Variants in THSD7B observed in about 807,000 individuals in gnomAD.
THSD7B encodes the protein thrombospondin type-1 domain-containing protein 7B.
In THSD7B, 138 loss-of-function variants were observed where a neutral mutation model predicts 213.6. The ratio of observed to expected loss-of-function variants is 0.65; its 90% CI spans 0.56 to 0.74. The LOEUF (loss-of-function observed/expected upper bound fraction) is 0.74, where lower values mean the gene tolerates loss of function less well. Among genes scored for constraint, THSD7B ranks in the 30% least tolerant of loss-of-function variants. THSD7B has a pLI of 0.00. For synonymous variants in THSD7B, 742 were observed against 687.0 expected (o/e 1.08, Z -1.25); for missense variants, 1,931 against 1,991.5 (o/e 0.97, Z 0.58).
At chr2:136,916,127 CTTG>C (rs1233896426) in intron 2 of THSD7B, among the ~76,000 whole-genome samples, 3 of 152,028 alleles carry the variant, frequency 2.0e-5, no homozygotes, top group Non-Finnish European at 4.4e-5. Flanking sequence ...GTTTTTGTTT[CTTG>C]TTTTTATTTT....
chr2:137,598,883 T>G (rs1408564674), intron 17 of THSD7B, among the ~76,000 whole-genome samples: 1 of 149,856 alleles, frequency 6.7e-6, no homozygotes, highest in African/African-American at 2.4e-5. Flanking sequence ...GGTTCTTTTT[T>G]TTTTTTATTA....
intron 17 of THSD7B, among the ~76,000 whole-genome samples, chr2:137,574,041 C>T (rs1392232443): frequency 1.3e-5 from 2 of 151,984 alleles, no homozygotes; most frequent in Admixed American, 1.3e-4. Context: ...TATTAATCAA[C>T]CTATAGAAGA....
intron 12 of THSD7B, among the ~76,000 whole-genome samples, chr2:137,339,125 A>C (rs1235899951): frequency 6.6e-6 from 1 of 151,140 alleles, no homozygotes; most frequent in African/African-American, 2.5e-5. Context: ...ATATCTTTTG[A>C]AGATAAATCA....
chr2:137,655,623 CA>C lies in THSD7B; in HGVS notation c.4069del (p.Ser1357AlafsTer3), dbSNP rs760430544. On this transcript the variant is annotated frameshift_variant, in exon 22 of 28. Coordinates refer to ENST00000409968, the MANE Select transcript of THSD7B (RefSeq NM_001316349.2). LOFTEE classifies it high-confidence loss of function. ...ALCGEMPFQD[S>X]ILKQLCSVPC... ...TGTGTGGAGAAATGCCCTTTCAGGA[CA>C]GCATCCTGAAGCAGCTGTGTTCTGT... 4 of 1,613,054 alleles carry C rather than the reference CA, an allele frequency of 2.5e-6. No homozygotes were observed. The highest frequency in any genetic ancestry group is 3.4e-6 in the Non-Finnish European group (4 of 1,179,604).
chr2:136,885,550 A>G (rs888195920), intron 2 of THSD7B, among the ~76,000 whole-genome samples: 3 of 152,186 alleles, frequency 2.0e-5, no homozygotes, highest in African/African-American at 7.2e-5. Context: ...AGTATCAGAT[A>G]AGGGACAATG....
intron 15 of THSD7B, among the ~76,000 whole-genome samples, chr2:137,489,502 C>T (rs566643149): frequency 4.7e-4 from 71 of 150,452 alleles, no homozygotes; most frequent in African/African-American, 1.7e-3. Flanking sequence ...AAGTTTTTTT[C>T]TTCGATGTTT....
At chr2:136,921,697 T>C (rs1356905958) in intron 2 of THSD7B, among the ~76,000 whole-genome samples, 1 of 152,234 alleles carries the variant, frequency 6.6e-6, no homozygotes, top group Non-Finnish European at 1.5e-5. Flanking sequence ...TCAATTAGCA[T>C]GTTAATGGAA....
At chr2:137,477,938 T>G (rs544012544) in intron 15 of THSD7B, among the ~76,000 whole-genome samples, 3 of 152,148 alleles carry the variant, frequency 2.0e-5, no homozygotes, top group Non-Finnish European at 4.4e-5. Context: ...AAGGTTTCTA[T>G]TGAGGAATAT....
In THSD7B at chr2:137,259,433, T is replaced by C. The variant is rs146591721; in HGVS notation, c.2267-13100T>C. ...GTTTTGATTTGCATTTCTCTAGTGA[T>C]CAGTGATGATGAGCTTTTTTATATA... On this transcript the variant is annotated intron_variant, in intron 10 of 27. Transcript: ENST00000409968. Among the ~76,000 whole-genome samples, 1,316 of 152,306 alleles carry C rather than the reference T, an allele frequency of 8.6e-3. 19 individuals are homozygous for C. Among genetic ancestry groups the C allele is most frequent in the African/African-American group, 0.03 (1,241 of 41,570 alleles).
intron 7 of THSD7B, among the ~76,000 whole-genome samples, chr2:137,196,207 G>A (rs937167583): frequency 2.0e-5 from 3 of 152,114 alleles, no homozygotes; most frequent in African/African-American, 7.2e-5. Flanking sequence ...GGCAGATGAC[G>A]CTGGAGAAAA....
In THSD7B at chr2:137,193,081, C is replaced by T. The variant is rs759930691; in HGVS notation, c.1723+22143C>T. On this transcript the variant is annotated intron_variant, in intron 7 of 27. Transcript: ENST00000409968. ...CATGTATTGAGAAATGTTCACTCAC[C>T]GCTCCACCCCTGCAGCCCTTCAGAG... 3.1e-4 allele frequency among the ~76,000 whole-genome samples: 47 copies of T among 152,038 alleles called. 1 individual carries two copies. The highest frequency in any genetic ancestry group is 3.4e-3 in the Middle Eastern group (1 of 292).
At chr2:137,113,028 C>T (rs1218247868) in intron 4 of THSD7B, among the ~76,000 whole-genome samples, 2 of 152,176 alleles carry the variant, frequency 1.3e-5, no homozygotes, top group Non-Finnish European at 2.9e-5. Context: ...CCACACTACC[C>T]TCTTTTTGCG....
At chr2:136,794,942 A>G (rs1187610439) in intron 1 of THSD7B, among the ~76,000 whole-genome samples, 7 of 151,988 alleles carry the variant, frequency 4.6e-5, no homozygotes, top group African/African-American at 1.4e-4. Context: ...TTCTGGTCCA[A>G]GAGTCTACTT....
Position 137,284,909 on chromosome 2 carries a change from A to G in THSD7B, c.2500+8883A>G, listed in dbSNP as rs186295174. Among the ~76,000 whole-genome samples, 898 of 152,232 alleles carry G rather than the reference A, an allele frequency of 5.9e-3. 9 individuals are homozygous for G. The highest frequency in any genetic ancestry group is 0.02 in the African/African-American group (814 of 41,552). On this transcript the variant is annotated intron_variant, in intron 12 of 27. Coordinates refer to ENST00000409968, the MANE Select transcript of THSD7B (RefSeq NM_001316349.2). ...GGGGTGGAGAGTTCTGTAGATGTCT[A>G]TTAGGTCCACTTTGTGCAGAGCTGA... is the stretch of plus-strand genomic sequence containing the variant.
At chr2:137,060,475 G>A (rs890728232) in intron 3 of THSD7B, among the ~76,000 whole-genome samples, 5 of 150,922 alleles carry the variant, frequency 3.3e-5, no homozygotes, top group Non-Finnish European at 5.9e-5. Context: ...TTTCTTCTAC[G>A]AGTTGCATAA....
At chr2:136,811,652 A>G (rs1212948624) in intron 1 of THSD7B, among the ~76,000 whole-genome samples, 2 of 152,214 alleles carry the variant, frequency 1.3e-5, no homozygotes, top group Non-Finnish European at 2.9e-5. Flanking sequence ...AAAACATTTC[A>G]GTAGTTGAAC....
At chr2:137,450,746 T>G (rs11891052) in intron 14 of THSD7B, 99 bp from the exon 15 acceptor site, 35,148 of 931,056 alleles carry the variant, frequency 0.038, 2,580 homozygotes, top group African/African-American at 0.26. Flanking sequence ...ACTACAGCAA[T>G]ATTGTTGAAA....
chr2:137,265,416 G>A (rs1000007071), intron 10 of THSD7B, among the ~76,000 whole-genome samples: 10 of 152,248 alleles, frequency 6.6e-5, no homozygotes, highest in African/African-American at 2.2e-4. Flanking sequence ...CAATTCCTCA[G>A]GGATCTAGAA....
intron 2 of THSD7B, among the ~76,000 whole-genome samples, chr2:136,940,524 T>C (rs1171074260): frequency 6.6e-6 from 1 of 151,662 alleles, no homozygotes; most frequent in East Asian, 1.9e-4. Flanking sequence ...CCCGAGTTGC[T>C]AGGACTATAG....
Sources: allele counts gnomAD v4.1 joint callset (sites outside exome capture counted in the v4.1 genomes callset), GRCh38; gene constraint gnomAD v4.1.1; transcripts MANE v1.5; gene names NCBI Gene and HGNC (gene_info 2026-07-23, HGNC 2026-07-21).